Variants in VEGFC observed in about 807,000 individuals in gnomAD.
VEGFC encodes FLT4 ligand DHM.
Under a neutral mutation model 46.1 loss-of-function variants are expected in VEGFC, and 12 were observed. The observed-to-expected ratio is 0.26, with a 90% CI of 0.17 to 0.42. The LOEUF (loss-of-function observed/expected upper bound fraction) is 0.42. Among genes scored for constraint, VEGFC ranks in the 10% least tolerant of loss-of-function variants. VEGFC has a pLI of 1.00. For synonymous variants in VEGFC, 232 were observed against 195.5 expected, an observed-to-expected ratio of 1.19 and a Z score of -1.56; for missense variants, 488 against 529.4, an observed-to-expected ratio of 0.92 and a Z score of 0.77.
intron 4 of VEGFC, among the ~76,000 whole-genome samples, chr4:176,693,690 T>C (rs1305783175): frequency 2.1e-5 from 3 of 143,632 alleles, no homozygotes; most frequent in East Asian, 2.0e-4. Context: ...TTCACCAAAG[T>C]TGAAATGAAG....
chr4:176,698,487 T>C (rs1026061967), intron 4 of VEGFC, among the ~76,000 whole-genome samples: 14 of 152,124 alleles, frequency 9.2e-5, no homozygotes, highest in African/African-American at 2.4e-4. Context: ...ATTGTACATA[T>C]ATAAGGTATA....
At chr4:176,716,872 T>C (rs929683503) in intron 3 of VEGFC, among the ~76,000 whole-genome samples, 1 of 149,416 alleles carries the variant, frequency 6.7e-6, no homozygotes, top group Non-Finnish European at 1.5e-5. Context: ...ATATGAATCA[T>C]GATACTATTG....
chr4:176,745,899 A>C (rs1460919078), intron 1 of VEGFC, among the ~76,000 whole-genome samples: 1 of 152,118 alleles, frequency 6.6e-6, no homozygotes, highest in African/African-American at 2.4e-5. Context: ...GAGAGGACAG[A>C]GCCAGTACCA....
At chr4:176,779,401 G>A (rs1393897349) in intron 1 of VEGFC, among the ~76,000 whole-genome samples, 1 of 152,106 alleles carries the variant, frequency 6.6e-6, no homozygotes, top group Non-Finnish European at 1.5e-5. Flanking sequence ...ATTGGAAGAA[G>A]TTTTTTTCTG....
chr4:176,760,642 C>T (rs565528659), intron 1 of VEGFC, among the ~76,000 whole-genome samples: 1 of 152,258 alleles, frequency 6.6e-6, no homozygotes, highest in Non-Finnish European at 1.5e-5. Context: ...CATATCTATG[C>T]CAGAATTTTT....
At chr4:176,775,204 A>G (rs557076603) in intron 1 of VEGFC, among the ~76,000 whole-genome samples, 6 of 152,290 alleles carry the variant, frequency 3.9e-5, no homozygotes, top group East Asian at 1.9e-4. Context: ...ATCATTTCAG[A>G]TATACTACGG....
rs752169450 is a variant in VEGFC, at chr4:176,736,357, G to A, written c.148-6611C>T. Among the ~76,000 whole-genome samples the A allele has an allele frequency of 2.0e-5, 3 of 151,638 alleles. No individual in the cohort carries two copies. In the Admixed American group the frequency reaches 2.0e-4, roughly 10 times the overall value. On this transcript the variant is annotated intron_variant, in intron 1 of 6. Transcript: ENST00000618562. ...ACTTGTCGGCCTATGCATATAGGCC[G>A]ATATATAATAGTTAAGAGACTAGCT...
At chr4:176,719,633 C>T (rs1183989969) in intron 3 of VEGFC, among the ~76,000 whole-genome samples, 1 of 152,172 alleles carries the variant, frequency 6.6e-6, no homozygotes, top group South Asian at 2.1e-4. Flanking sequence ...ATTTCGCTTG[C>T]TAATTTGTTA....
In VEGFC at chr4:176,729,588, C is replaced by T. The variant is rs1560948078; in HGVS notation, c.306G>A (p.Arg102=). 1 of 1,613,782 alleles carries T rather than the reference C, an allele frequency of 6.2e-7. No homozygotes were observed. Among genetic ancestry groups the T allele is most frequent in the Non-Finnish European group, 8.5e-7 (1 of 1,179,914 alleles). ...HNREQANLNS[R]TEETIKFAAA... is the part of the protein sequence containing the mutation. Reference sequence around the variant, plus strand: ...CAGCAAATTTTATAGTCTCTTCTGTCCTTGAGTTGAGGTTGGCCTGTTCTC... The same window carrying T: ...CAGCAAATTTTATAGTCTCTTCTGTTCTTGAGTTGAGGTTGGCCTGTTCTC... Residue 102 remains arginine (R), a synonymous_variant, in exon 2 of 7, where the codon AGG becomes AGA. Coordinates refer to ENST00000618562, the MANE Select transcript of VEGFC (RefSeq NM_005429.5).
At position 176,711,656 on chromosome 4, in the gene VEGFC, A is replaced by G. The variant is rs1301924446; in HGVS notation, c.553-6T>C. 10 of 1,611,680 alleles carry G rather than the reference A, an allele frequency of 6.2e-6. No homozygotes were observed. The highest frequency in any genetic ancestry group is 6.8e-6 in the Non-Finnish European group (8 of 1,179,094). ...GGCACTGTAATTTCAAATAACTACA[A>G]AGAAGGGACAAAAAGAAGAAAAAAT... On this transcript the variant is annotated splice_polypyrimidine_tract_variant and splice_region_variant and intron_variant, in intron 3 of 6. Coordinates refer to ENST00000618562, the MANE Select transcript of VEGFC (RefSeq NM_005429.5).
intron 1 of VEGFC, among the ~76,000 whole-genome samples, chr4:176,751,910 A>G (rs974184576): frequency 6.6e-6 from 1 of 151,704 alleles, no homozygotes; most frequent in Non-Finnish European, 1.5e-5. Context: ...GAGCCCCACC[A>G]TGGGTCCCTG....
intron 4 of VEGFC, among the ~76,000 whole-genome samples, chr4:176,696,167 T>G (rs1196199626): frequency 1.5e-4 from 22 of 144,118 alleles, no homozygotes; most frequent in South Asian, 1.1e-3. Context: ...TAAAGGGTAT[T>G]CAATTAGGAA....
At chr4:176,708,641 C>T (rs1734575082) in intron 4 of VEGFC, among the ~76,000 whole-genome samples, 1 of 152,048 alleles carries the variant, frequency 6.6e-6, no homozygotes, top group African/African-American at 2.4e-5. Flanking sequence ...GTGAAGTTAT[C>T]TAGCTAATTT....
rs1192459854 is a variant in VEGFC, at chr4:176,780,392, A to AAAAAACAAAAC, written c.147+11772_147+11773insGTTTTGTTTTT. Among the ~76,000 whole-genome samples the AAAAAACAAAAC allele has an allele frequency of 1.0e-3, 153 of 146,560 alleles. 9 individuals are homozygous for AAAAAACAAAAC. The highest frequency in any genetic ancestry group is 3.7e-3 in the African/African-American group (149 of 40,058). On this transcript the variant is annotated intron_variant, in intron 1 of 6. Transcript: ENST00000618562. Reference sequence around the variant, plus strand: ...GCGAGACTCCATCTCAAAAAAAAAAAAAAAAAACTCCTTCTAACCCATTCA... The same window carrying AAAAAACAAAAC: ...GCGAGACTCCATCTCAAAAAAAAAAAAAAAACAAAACAAAAAAACTCCTTCTAACCCATTCA...
chr4:176,746,827 G>A (rs898183762), intron 1 of VEGFC, among the ~76,000 whole-genome samples: 2 of 152,114 alleles, frequency 1.3e-5, no homozygotes, highest in Admixed American at 1.3e-4. Flanking sequence ...ATCAAAGGTC[G>A]CCATCCATCA....
chr4:176,786,076 T>C (rs1419743296), intron 1 of VEGFC, among the ~76,000 whole-genome samples: 1 of 151,928 alleles, frequency 6.6e-6, no homozygotes, highest in Non-Finnish European at 1.5e-5. Context: ...AAAGGCAGAG[T>C]CACTGCCAGA....
chr4:176,754,865 A>G (rs1000345138), intron 1 of VEGFC, among the ~76,000 whole-genome samples: 4 of 152,070 alleles, frequency 2.6e-5, no homozygotes, highest in African/African-American at 9.7e-5. Context: ...GTTTCTTAGG[A>G]TATCCACTGA....
chr4:176,746,968 T>G (rs1468845040), intron 1 of VEGFC, among the ~76,000 whole-genome samples: 4 of 152,138 alleles, frequency 2.6e-5, no homozygotes, highest in African/African-American at 9.7e-5. Flanking sequence ...GATATGCACT[T>G]TAAGAATATG....
chr4:176,718,796 T>C (rs1478594517), intron 3 of VEGFC, among the ~76,000 whole-genome samples: 1 of 152,196 alleles, frequency 6.6e-6, no homozygotes, highest in Non-Finnish European at 1.5e-5. Flanking sequence ...AGGTAAATAC[T>C]AACATTCAAG....
Sources: allele counts gnomAD v4.1 joint callset (sites outside exome capture counted in the v4.1 genomes callset), GRCh38; gene constraint gnomAD v4.1.1; transcripts MANE v1.5; gene names NCBI Gene and HGNC (gene_info 2026-07-23, HGNC 2026-07-21).